PTAFR: variants seen among roughly 807,000 people sequenced by gnomAD.
The protein encoded by PTAFR is platelet-activating factor receptor.
PTAFR carries 8 observed loss-of-function variants against 14.7 expected under a neutral mutation model. The ratio of observed to expected loss-of-function variants is 0.54; its 90% CI spans 0.32 to 0.98. The LOEUF is 0.98. Ranked by LOEUF, PTAFR falls within the 50% of genes least tolerant of loss-of-function variation. The pLI, the probability that PTAFR is intolerant of heterozygous loss-of-function variation, is 0.04. For synonymous variants in PTAFR, 156 were observed against 176.5 expected (o/e 0.88, Z 0.92); for missense variants, 337 against 451.2 (o/e 0.75, Z 2.29).
chr1:28,176,233 A>T (rs1261486016), intron 1 of PTAFR, among the ~76,000 whole-genome samples: 1 of 152,116 alleles, frequency 6.6e-6, no homozygotes, highest in East Asian at 1.9e-4. Context: ...GCTTGAGCCC[A>T]GGAGTTAGAG....
intron 1 of PTAFR, among the ~76,000 whole-genome samples, chr1:28,154,004 A>G (rs1410017267): frequency 7.0e-6 from 1 of 142,500 alleles, no homozygotes; most frequent in African/African-American, 2.6e-5. Flanking sequence ...CAGTGAGCGG[A>G]GATTGTGCCA....
intron 1 of PTAFR, among the ~76,000 whole-genome samples, chr1:28,161,929 G>A (rs1190123925): frequency 6.6e-6 from 1 of 152,212 alleles, no homozygotes; most frequent in South Asian, 2.1e-4. Flanking sequence ...TCCAGCCAGA[G>A]AGTATCATGT....
At chr1:28,159,640 C>T (rs1270316266) in intron 1 of PTAFR, among the ~76,000 whole-genome samples, 1 of 151,840 alleles carries the variant, frequency 6.6e-6, no homozygotes, top group Admixed American at 6.6e-5. Context: ...GAGTTCCAGA[C>T]CAGCCTGGCC....
Position 28,150,144 on chromosome 1 carries a change from T to G in PTAFR, c.878A>C (p.Tyr293Ser). The G allele has an allele frequency of 1.2e-6, 2 of 1,614,014 alleles. No homozygotes were observed. Among genetic ancestry groups the G allele is most frequent in the Non-Finnish European group, 1.7e-6 (2 of 1,180,002 alleles). The change falls in exon 2 of 2, where the codon TAC becomes TCC. Residue 293 changes from tyrosine (Y) to serine (S), a missense_variant. Coordinates refer to ENST00000373857, the MANE Select transcript of PTAFR (RefSeq NM_000952.5). The surrounding 1 kb of genome is among the most constrained non-coding windows in gnomAD (Gnocchi z 6.3). ...STNCVLDPVI[Y>S]CFLTKKFRKH... ...GCGGAACTTCTTGGTGAGGAAACAG[T>G]AGATAACAGGGTCTAAGACACAGTT... is the stretch of plus-strand genomic sequence containing the variant.
intron 1 of PTAFR, among the ~76,000 whole-genome samples, chr1:28,172,163 A>G (rs576804171): frequency 7.2e-5 from 11 of 152,154 alleles, no homozygotes; most frequent in Admixed American, 7.2e-4. Flanking sequence ...TTACAAGCGC[A>G]TGCCACCATG....
At position 28,150,780 on chromosome 1, in the gene PTAFR, C is replaced by A. The variant is rs1263934102; in HGVS notation, c.242G>T (p.Gly81Val). The change falls in exon 2 of 2, where the codon GGC (glycine) becomes GTC (valine). Residue 81 changes from glycine (G) to valine (V), a missense_variant. Coordinates refer to ENST00000373857, the MANE Select transcript of PTAFR (RefSeq NM_000952.5). The surrounding 1 kb of genome is among the most constrained non-coding windows in gnomAD (Gnocchi z 6.3). ...CAGGAATTTGGGGAGTATCCAGTTGCCCTGGTTTTGGTAGTAGACAATCCA... is the reference window on the plus strand; with the variant it reads ...CAGGAATTTGGGGAGTATCCAGTTGACCTGGTTTTGGTAGTAGACAATCCA... ...PLWIVYYQNQ[G>V]NWILPKFLCN... is the part of the protein sequence containing the mutation. The A allele has an allele frequency of 1.9e-6, 3 of 1,614,070 alleles. No homozygotes were observed. Among genetic ancestry groups the A allele is most frequent in the Non-Finnish European group, 2.5e-6 (3 of 1,180,022 alleles).
rs1646133564 is a variant in PTAFR at position 28,147,827 on chromosome 1, C to T, written c.*2166G>A. 1 of 152,162 alleles carries T rather than the reference C, an allele frequency of 6.6e-6. No homozygotes were observed. Among genetic ancestry groups the T allele is most frequent in the South Asian group, 2.1e-4 (1 of 4,830 alleles). The allele number at this position is 152,162 out of a possible 1,614,324, so 9.4% of individuals were successfully genotyped here. ...CAATCCCATGAGGTAGCTTTAACCT[C>T]ATAGGTAATGACCCTAAGAGGTAGG... is the stretch of plus-strand genomic sequence containing the variant. On this transcript the variant is annotated 3_prime_UTR_variant, in exon 2 of 2. Transcript: ENST00000373857.
chr1:28,163,929 G>A (rs1646354011), intron 1 of PTAFR, among the ~76,000 whole-genome samples: 1 of 152,236 alleles, frequency 6.6e-6, no homozygotes. Flanking sequence ...TTCCCTGATG[G>A]ATCGAGGCTG....
intron 1 of PTAFR, among the ~76,000 whole-genome samples, chr1:28,158,583 A>T (rs1192086217): frequency 6.6e-6 from 1 of 152,138 alleles, no homozygotes; most frequent in Admixed American, 6.6e-5. Flanking sequence ...CTGTAATTCC[A>T]GCTACTTGGG....
In PTAFR at chr1:28,170,329, C is replaced by T. The variant is rs545580893; in HGVS notation, c.-39+6263G>A. Among the ~76,000 whole-genome samples, 5 of 152,306 alleles carry T rather than the reference C, an allele frequency of 3.3e-5. No individual in the cohort carries two copies. The East Asian group carries it at 9.6e-4, about 29-fold the overall frequency. On this transcript the variant is annotated intron_variant, in intron 1 of 1. Transcript: ENST00000373857. ...GTCCCTCACTCTTCGCTTCCAAACT[C>T]TCACACCCCAGCTCTAGCCACTCCC...
Position 28,147,217 on chromosome 1 carries a change from T to C in PTAFR, c.*2776A>G, listed in dbSNP as rs1646126991. On this transcript the variant is annotated 3_prime_UTR_variant, in exon 2 of 2. Coordinates refer to ENST00000373857, the MANE Select transcript of PTAFR (RefSeq NM_000952.5). The stretch of plus-strand genomic sequence containing the variant: ...AGTAAATGGACAGTTGGTACACAGA[T>C]ATTGCAAAAATTTCGAGGCGGGTAC... 6.6e-6 allele frequency: 1 copy of C among 152,166 alleles called. No individual in the cohort carries two copies. The highest frequency in any genetic ancestry group is 1.5e-5 in the Non-Finnish European group (1 of 68,028). The allele number at this position is 152,166 out of a possible 1,614,324, so 9.4% of individuals were successfully genotyped here. A position where few individuals can be genotyped will look rare whatever the true frequency, so the allele number is the denominator to read the frequency against.
At chr1:28,186,197 C>T (rs1447223153) in intron 1 of PTAFR, among the ~76,000 whole-genome samples, 1 of 152,134 alleles carries the variant, frequency 6.6e-6, no homozygotes, top group Non-Finnish European at 1.5e-5. Context: ...GTTGGTCAGG[C>T]TGGTCTCGAA....
intron 1 of PTAFR, among the ~76,000 whole-genome samples, chr1:28,157,413 C>A (rs1372796019): frequency 6.6e-6 from 1 of 152,092 alleles, no homozygotes; most frequent in Non-Finnish European, 1.5e-5. Context: ...GTGATCCGCC[C>A]GCCTCGGCCT....
At position 28,150,223 on chromosome 1, in the gene PTAFR, A is replaced by G. The variant is rs765470549; in HGVS notation, c.799T>C (p.Phe267Leu). The change falls in exon 2 of 2, where the codon TTC becomes CTC. Residue 267 changes from phenylalanine (F) to leucine (L), a missense_variant. Physicochemically the swap from Phe to Leu is conservative, Grantham distance 22. Transcript: ENST00000373857. The surrounding 1 kb of genome is among the most constrained non-coding windows in gnomAD (Gnocchi z 6.3). ...LAELGFQDSK[F>L]HQAINDAHQV... ...TGTGCATCATTAATGGCCTGGTGGA[A>G]TTTGCTGTCCTGGAAGCCCAGCTCA... The G allele has an allele frequency of 1.2e-6, 2 of 1,613,676 alleles. No individual in the cohort carries two copies. Among genetic ancestry groups the G allele is most frequent in the Non-Finnish European group, 1.7e-6 (2 of 1,179,658 alleles).
chr1:28,163,088 T>C (rs1221092898), intron 1 of PTAFR, among the ~76,000 whole-genome samples: 2 of 152,166 alleles, frequency 1.3e-5, no homozygotes, highest in Admixed American at 1.3e-4. Context: ...ACTCCATTTT[T>C]CCTCAAATCT....
chr1:28,158,920 T>C (rs1646295427), intron 1 of PTAFR, among the ~76,000 whole-genome samples: 1 of 152,174 alleles, frequency 6.6e-6, no homozygotes, highest in African/African-American at 2.4e-5. Context: ...CGTGCAGTCG[T>C]CTGGAGGGCC....
intron 1 of PTAFR, among the ~76,000 whole-genome samples, chr1:28,192,381 G>A (rs1646660738): frequency 6.6e-6 from 1 of 151,834 alleles, no homozygotes; most frequent in Admixed American, 6.6e-5. Context: ...CCAACATGGA[G>A]AAACCCCGTC....
rs141511004 is a variant in PTAFR at position 28,169,934 on chromosome 1, A to G, written c.-39+6658T>C. Among the ~76,000 whole-genome samples, 672 of 151,794 alleles carry G rather than the reference A, an allele frequency of 4.4e-3. 7 individuals are homozygous for G. The highest frequency in any genetic ancestry group is 0.016 in the African/African-American group (650 of 41,340). ...GGAATCACTTGAACCCAGGAGGCAG[A>G]GATTGCAGTGAGCCAAGATGACGCC... On this transcript the variant is annotated intron_variant, in intron 1 of 1. Coordinates refer to ENST00000373857, the MANE Select transcript of PTAFR (RefSeq NM_000952.5).
At chr1:28,174,585 A>G (rs1012151383) in intron 1 of PTAFR, among the ~76,000 whole-genome samples, 2 of 152,184 alleles carry the variant, frequency 1.3e-5, no homozygotes, top group Non-Finnish European at 2.9e-5. Context: ...GATTTTCCCA[A>G]GGTGAACACA....
Sources: gnomAD v4.1 joint callset for allele counts (sites outside exome capture counted in the v4.1 genomes callset) on GRCh38, gnomAD v4.1.1 for gene constraint, Gnocchi (gnomAD v3.1) non-coding constraint, MANE v1.5 for transcripts, NCBI Gene and HGNC (gene_info 2026-07-23, HGNC 2026-07-21) for gene names.